Variants in SPMIP4 observed in about 807,000 individuals in gnomAD.
The protein encoded by SPMIP4 is sperm-associated microtubule inner protein 4.
At chr7:25,138,439 C>T in the SPMIP4 span, among the ~76,000 whole-genome samples, 1 of 152,118 alleles carries the variant, frequency 6.6e-6, no homozygotes, top group African/African-American at 2.4e-5. The surrounding 1 kb of genome is among the most constrained non-coding windows in gnomAD (Gnocchi z 6.2). Context: ...TTATGTTGCC[C>T]AGGCTGGTCT....
At chr7:25,147,445 A>G in the SPMIP4 span, among the ~76,000 whole-genome samples, 1 of 152,142 alleles carries the variant, frequency 6.6e-6, no homozygotes, top group African/African-American at 2.4e-5. Flanking sequence ...GATAAGTACA[A>G]TGATCACTAA....
At chr7:25,138,952 T>A in the SPMIP4 span, among the ~76,000 whole-genome samples, 4 of 152,188 alleles carry the variant, frequency 2.6e-5, no homozygotes, top group African/African-American at 7.2e-5. The surrounding 1 kb of genome is among the most constrained non-coding windows in gnomAD (Gnocchi z 6.2). Context: ...GCGAAAGTAG[T>A]GAGTGTATTT....
chr7:25,155,755 G>A, the SPMIP4 span, among the ~76,000 whole-genome samples: 1 of 151,990 alleles, frequency 6.6e-6, no homozygotes, highest in East Asian at 1.9e-4. Flanking sequence ...CTAGCACACT[G>A]AAGGAAAAAA....
chr7:25,163,057 A>G, the SPMIP4 span, among the ~76,000 whole-genome samples: 1 of 152,214 alleles, frequency 6.6e-6, no homozygotes, highest in African/African-American at 2.4e-5. This position sits in a 1 kb window ranked among gnomAD's most constrained non-coding sequence, Gnocchi z 4.4. Context: ...CACTGCGCCC[A>G]GCTGGATTTG....
the SPMIP4 span, among the ~76,000 whole-genome samples, chr7:25,150,588 T>A: frequency 6.6e-6 from 1 of 152,206 alleles, no homozygotes; most frequent in Admixed American, 6.5e-5. Flanking sequence ...TGGAGAACAC[T>A]TGGCACTGCT....
the SPMIP4 span, chr7:25,142,607 C>T: frequency 1.9e-6 from 3 of 1,556,510 alleles, no homozygotes; most frequent in Non-Finnish European, 2.6e-6. Flanking sequence ...CAATTTTGTT[C>T]TAATTTTTAC....
chr7:25,144,326 C>T, the SPMIP4 span, among the ~76,000 whole-genome samples: 91,437 of 152,140 alleles, frequency 0.6, 28,586 homozygotes, highest in Non-Finnish European at 0.69. Flanking sequence ...TAAATTTGGA[C>T]TTCTTGGACT....
the SPMIP4 span, among the ~76,000 whole-genome samples, chr7:25,169,779 T>C: frequency 6.6e-6 from 1 of 152,172 alleles, no homozygotes. Context: ...TTTCGCCATG[T>C]TGGCCAGGTT....
the SPMIP4 span, among the ~76,000 whole-genome samples, chr7:25,140,979 T>A: frequency 1.3e-5 from 2 of 152,246 alleles, no homozygotes; most frequent in South Asian, 4.1e-4. Flanking sequence ...AATGTTAATT[T>A]TGTTTTCAAA....
chr7:25,174,709 C>G, the SPMIP4 span, among the ~76,000 whole-genome samples: 2 of 152,092 alleles, frequency 1.3e-5, no homozygotes, highest in East Asian at 1.9e-4. The surrounding 1 kb of genome is among the most constrained non-coding windows in gnomAD (Gnocchi z 4.5). Context: ...AAGGCACTTC[C>G]TTAATGGATA....
At chr7:25,125,858 T>G in the SPMIP4 span, 4 of 959,068 alleles carry the variant, frequency 4.2e-6, no homozygotes, top group Non-Finnish European at 5.0e-6. Context: ...CTCGTGACCT[T>G]GTTCTAGTTC....
the SPMIP4 span, among the ~76,000 whole-genome samples, chr7:25,177,223 G>C: frequency 3.3e-5 from 5 of 152,248 alleles, no homozygotes; most frequent in Admixed American, 3.3e-4. Flanking sequence ...TGGTTTCCTA[G>C]AGAATTCTTA....
At chr7:25,165,696 G>C in the SPMIP4 span, among the ~76,000 whole-genome samples, 1 of 152,208 alleles carries the variant, frequency 6.6e-6, no homozygotes, top group African/African-American at 2.4e-5. Flanking sequence ...CTGCACGTTG[G>C]AATTATCTGA....
At chr7:25,179,037 T>G in the SPMIP4 span, 4 of 578,160 alleles carry the variant, frequency 6.9e-6, no homozygotes, top group South Asian at 9.3e-5. Flanking sequence ...CGAGACACCG[T>G]CTCAAAAACA....
chr7:25,158,448 ATTT>A, the SPMIP4 span: 2 of 1,337,464 alleles, frequency 1.5e-6, no homozygotes, highest in Non-Finnish European at 2.1e-6. Flanking sequence ...GGAAATGTCA[ATTT>A]TTTTTTCTTT....
the SPMIP4 span, chr7:25,158,569 A>G: frequency 3.8e-6 from 6 of 1,571,158 alleles, no homozygotes. Context: ...ACTTATATTG[A>G]GGGCTTTTAA....
chr7:25,160,305 T>C, the SPMIP4 span, among the ~76,000 whole-genome samples: 1 of 71,462 alleles, frequency 1.4e-5, no homozygotes, highest in African/African-American at 3.0e-5. Flanking sequence ...TATTTATTTG[T>C]TTGTTTGTTT....
At chr7:25,135,646 CAA>C in the SPMIP4 span, 28 of 828,894 alleles carry the variant, frequency 3.4e-5, no homozygotes, top group African/African-American at 1.3e-4. Flanking sequence ...TTTGGTGAAA[CAA>C]TGATGTAAAC....
the SPMIP4 span, among the ~76,000 whole-genome samples, chr7:25,176,591 TA>T: frequency 1.3e-5 from 2 of 152,200 alleles, no homozygotes; most frequent in Non-Finnish European, 2.9e-5. This position sits in a 1 kb window ranked among gnomAD's most constrained non-coding sequence, Gnocchi z 4.4. Context: ...GCAATTGATT[TA>T]AAAAATGTTG....
Sources: gnomAD v4.1 joint callset for allele counts (sites outside exome capture counted in the v4.1 genomes callset) on GRCh38, gnomAD v4.1.1 for gene constraint, Gnocchi (gnomAD v3.1) non-coding constraint, MANE v1.5 for transcripts, NCBI Gene and HGNC (gene_info 2026-07-23, HGNC 2026-07-21) for gene names.